Variants in IPO11 observed in about 807,000 individuals in gnomAD.
The protein encoded by IPO11 is importin 11.
Under a neutral mutation model 143.2 loss-of-function variants are expected in IPO11, and 66 were observed. The observed-to-expected ratio is 0.46, with a 90% CI of 0.38 to 0.57. The LOEUF is 0.57. Ranked by LOEUF, IPO11 falls within the 20% of genes least tolerant of loss-of-function variation. The pLI is 0.00. For synonymous variants in IPO11, 385 were observed against 377.8 expected (o/e 1.02, Z -0.22); for missense variants, 1,026 against 1,141.0 (o/e 0.90, Z 1.45).
intron 16 of IPO11, 74 bp downstream of exon 16, chr5:62,494,198 T>G: frequency 7.5e-7 from 1 of 1,336,830 alleles, no homozygotes; most frequent in Non-Finnish European, 1.0e-6. Context: ...TTCACAACAG[T>G]TTATGTCTTT....
At chr5:62,537,358 A>G (rs1053773350) in intron 24 of IPO11, 69 bp downstream of exon 24, 3 of 1,040,324 alleles carry the variant, frequency 2.9e-6, no homozygotes, top group Non-Finnish European at 1.5e-6. Context: ...TTGGACTTTC[A>G]TTTGGATGGT....
rs184192148 is a variant in IPO11, at chr5:62,596,330, T to C, written c.2678+4658T>C. 3.3e-5 allele frequency among the ~76,000 whole-genome samples: 5 copies of C among 149,504 alleles called. No homozygotes were observed. In the East Asian group the frequency reaches 9.9e-4, roughly 29 times the overall value. On this transcript the variant is annotated intron_variant, in intron 28 of 29. Transcript: ENST00000325324. ...AAGCCTAGAGGCACTAAAATTTGAC[T>C]AGAAAATGACTCATAAATTGTTTTT...
chr5:62,505,858 C>G (rs1206864125), intron 18 of IPO11, among the ~76,000 whole-genome samples: 1 of 151,934 alleles, frequency 6.6e-6, no homozygotes, highest in East Asian at 1.9e-4. Flanking sequence ...ATGAGTAGGT[C>G]TTGCAAAACA....
intron 5 of IPO11, among the ~76,000 whole-genome samples, chr5:62,452,350 A>C (rs1320068937): frequency 6.6e-6 from 1 of 151,356 alleles, no homozygotes; most frequent in African/African-American, 2.5e-5. Context: ...ATTCTTTCTC[A>C]TTTTAAGCTG....
chr5:62,495,829 A>G (rs537770853), intron 16 of IPO11, among the ~76,000 whole-genome samples: 30 of 152,324 alleles, frequency 2.0e-4, no homozygotes, highest in Admixed American at 1.7e-3. Flanking sequence ...AAGGAAAGAG[A>G]AAAATGAATT....
At chr5:62,431,522 A>G (rs1302343513) in intron 1 of IPO11, among the ~76,000 whole-genome samples, 1 of 152,028 alleles carries the variant, frequency 6.6e-6, no homozygotes, top group Admixed American at 6.6e-5. Context: ...TTTAAAACAA[A>G]TCAGGCATAG....
chr5:62,520,983 G>A (rs536985477), intron 20 of IPO11, among the ~76,000 whole-genome samples: 1 of 152,346 alleles, frequency 6.6e-6, no homozygotes, highest in African/African-American at 2.4e-5. Flanking sequence ...GTGTGAAAGT[G>A]TTCCTATTTC....
chr5:62,500,498 ATACTT>A (rs1741311235), intron 16 of IPO11, among the ~76,000 whole-genome samples: 1 of 152,086 alleles, frequency 6.6e-6, no homozygotes, highest in South Asian at 2.1e-4. Context: ...TGTATGTACT[ATACTT>A]TTGTTTTATA....
intron 29 of IPO11, among the ~76,000 whole-genome samples, chr5:62,617,133 C>G (rs1160205824): frequency 6.6e-6 from 1 of 152,130 alleles, no homozygotes; most frequent in Non-Finnish European, 1.5e-5. Context: ...GCAATTAGAA[C>G]AATAAGGAGA....
In IPO11 at chr5:62,449,889, C is replaced by T. The variant is rs763694271; in HGVS notation, c.240-38C>T. 16 of 1,279,622 alleles carry T rather than the reference C, an allele frequency of 1.3e-5. No homozygotes were observed. In the Admixed American group the frequency reaches 3.4e-4, roughly 27 times the overall value. 79.3% of individuals were successfully genotyped at this position (1,279,622 alleles called of 1,614,324 possible). On this transcript the variant is annotated intron_variant, in intron 3 of 29. Coordinates refer to ENST00000325324, the MANE Select transcript of IPO11 (RefSeq NM_016338.5). ...CTTACCTACATTTATTATTAGGTGG[C>T]ATTCTTTTGCATAATCAATACTTTT...
At chr5:62,504,463 A>G (rs1741475980) in intron 16 of IPO11, among the ~76,000 whole-genome samples, 1 of 152,242 alleles carries the variant, frequency 6.6e-6, no homozygotes, top group Non-Finnish European at 1.5e-5. Flanking sequence ...TGAAAAGAAT[A>G]GGAATAAATG....
intron 20 of IPO11, among the ~76,000 whole-genome samples, chr5:62,520,091 T>A (rs73760829): frequency 0.015 from 2,212 of 152,308 alleles, 57 homozygotes; most frequent in African/African-American, 0.05. Flanking sequence ...AGGGCTCTTG[T>A]GAGTAGGTCA....
At chr5:62,446,240 A>G (rs966893347) in intron 3 of IPO11, among the ~76,000 whole-genome samples, 8 of 152,230 alleles carry the variant, frequency 5.3e-5, no homozygotes, top group South Asian at 2.1e-4. Flanking sequence ...TTATAATGCA[A>G]AGACACCTGT....
intron 29 of IPO11, among the ~76,000 whole-genome samples, chr5:62,605,200 T>C (rs1469374402): frequency 6.6e-6 from 1 of 152,246 alleles, no homozygotes; most frequent in African/African-American, 2.4e-5. Flanking sequence ...GTCATTGTTG[T>C]CTTAAAGTAG....
chr5:62,555,741 G>A (rs1377435067), intron 26 of IPO11, among the ~76,000 whole-genome samples: 1 of 152,016 alleles, frequency 6.6e-6, no homozygotes, highest in Non-Finnish European at 1.5e-5. Flanking sequence ...CTGACCTCGT[G>A]ATCCGCCTGC....
At chr5:62,520,754 T>A (rs1004419559) in intron 20 of IPO11, among the ~76,000 whole-genome samples, 15 of 152,260 alleles carry the variant, frequency 9.9e-5, no homozygotes, top group Admixed American at 8.5e-4. Context: ...AGTCTATCAT[T>A]GATGGACATT....
intron 26 of IPO11, among the ~76,000 whole-genome samples, chr5:62,555,082 T>G (rs999655173): frequency 6.6e-5 from 10 of 152,188 alleles, no homozygotes; most frequent in Admixed American, 6.5e-4. Context: ...CAGCATTGCT[T>G]TGGCTATTTG....
In IPO11 at chr5:62,536,922, C is replaced by T. The variant is rs547349704; in HGVS notation, c.2169+141C>T. ...AGAAACATTGACTGTGAGCATTTCCCATTGCAGGGCAGATGTGCTGCATGC... is the reference window on the plus strand; with the variant it reads ...AGAAACATTGACTGTGAGCATTTCCTATTGCAGGGCAGATGTGCTGCATGC... On this transcript the variant is annotated intron_variant, in intron 23 of 29. Transcript: ENST00000325324. 2.2e-3 allele frequency: 2,256 copies of T among 1,010,338 alleles called. 10 individuals carry two copies. Among genetic ancestry groups the T allele is most frequent in the Non-Finnish European group, 2.4e-3 (1,752 of 743,886 alleles). The allele number at this position is 1,010,338 out of a possible 1,614,324, so 62.6% of individuals were successfully genotyped here. A position where few individuals can be genotyped will look rare whatever the true frequency, so the allele number is the denominator to read the frequency against.
chr5:62,568,574 CAAAAAAAAA>C (rs66748975), intron 27 of IPO11, among the ~76,000 whole-genome samples: 3 of 51,896 alleles, frequency 5.8e-5, no homozygotes, highest in African/African-American at 1.8e-4. Flanking sequence ...ACTCTGTCTC[CAAAAAAAAA>C]AAAAAAAAAA....
Sources: allele counts gnomAD v4.1 joint callset (sites outside exome capture counted in the v4.1 genomes callset), GRCh38; gene constraint gnomAD v4.1.1; transcripts MANE v1.5; gene names NCBI Gene and HGNC (gene_info 2026-07-23, HGNC 2026-07-21).